Variants in SCTR observed in about 807,000 individuals in gnomAD.
The protein encoded by SCTR is secretin receptor.
In SCTR, 56 loss-of-function variants were observed where a neutral mutation model predicts 60.8. The ratio of observed to expected loss-of-function variants is 0.92; its 90% CI spans 0.74 to 1.15. The LOEUF is 1.15. SCTR is among the 50% of genes most tolerant of loss of function. SCTR has a pLI of 0.00. For missense variants in SCTR, 562 were observed against 550.4 expected (o/e 1.02, Z -0.21); for synonymous variants, 202 against 217.0 (o/e 0.93, Z 0.61).
chr2:119,449,436 G>T (rs1473459097), intron 9 of SCTR, among the ~76,000 whole-genome samples: 3 of 152,068 alleles, frequency 2.0e-5, no homozygotes, highest in Admixed American at 6.5e-5. Flanking sequence ...TGCGAACTAT[G>T]ATTGGAAGAG....
At chr2:119,502,036 G>T (rs1253858801) in intron 1 of SCTR, among the ~76,000 whole-genome samples, 2 of 152,134 alleles carry the variant, frequency 1.3e-5, no homozygotes, top group African/African-American at 2.4e-5. Context: ...TAGGTGGATT[G>T]CTTGAATCCA....
intron 2 of SCTR, among the ~76,000 whole-genome samples, chr2:119,481,640 G>A (rs930204748): frequency 2.6e-5 from 4 of 152,194 alleles, no homozygotes; most frequent in African/African-American, 9.6e-5. Context: ...ACCAGTGGGG[G>A]TCACTACCAG....
At chr2:119,463,436 C>T (rs1020252504) in intron 6 of SCTR, among the ~76,000 whole-genome samples, 8 of 152,190 alleles carry the variant, frequency 5.3e-5, no homozygotes, top group Non-Finnish European at 8.8e-5. Context: ...TGGTATAAAG[C>T]ATGACATCAA....
At chr2:119,477,963 C>T (rs141268445) in intron 3 of SCTR, among the ~76,000 whole-genome samples, 74 of 152,314 alleles carry the variant, frequency 4.9e-4, no homozygotes, top group Middle Eastern at 3.4e-3. Context: ...CACACATGTG[C>T]GTATGTACAG....
In SCTR at chr2:119,524,245, G is replaced by T. The variant is rs752352782; in HGVS notation, c.-19C>A. On this transcript the variant is annotated 5_prime_UTR_variant, in exon 1 of 13. Transcript: ENST00000019103. ...GACGCATGGTGCCCGCACGTTCCCC[G>T]AGGGCGCCCCGACGTCCGCCTGCCC... 7.0e-7 allele frequency: 1 copy of T among 1,424,228 alleles called. No homozygotes were observed. The highest frequency in any genetic ancestry group is 1.5e-5 in the South Asian group (1 of 67,962). 88.2% of individuals were successfully genotyped at this position (1,424,228 alleles called of 1,614,324 possible).
At chr2:119,443,902 GTTC>G (rs923084977) in intron 11 of SCTR, among the ~76,000 whole-genome samples, 1 of 152,086 alleles carries the variant, frequency 6.6e-6, no homozygotes, top group African/African-American at 2.4e-5. Flanking sequence ...AGTTGTATGT[GTTC>G]TTCTTTAAGC....
At chr2:119,493,314 T>C (rs1400982980) in intron 2 of SCTR, among the ~76,000 whole-genome samples, 7 of 152,342 alleles carry the variant, frequency 4.6e-5, no homozygotes. Flanking sequence ...CGTCAGTTGA[T>C]GGGCATTAGG....
intron 7 of SCTR, among the ~76,000 whole-genome samples, chr2:119,461,089 AAC>A (rs1398936931): frequency 6.6e-6 from 1 of 152,250 alleles, no homozygotes; most frequent in Non-Finnish European, 1.5e-5. Context: ...GACAGAAAGC[AAC>A]AGTGTGACGC....
chr2:119,470,563 T>C (rs1676961992), intron 4 of SCTR, among the ~76,000 whole-genome samples: 1 of 152,184 alleles, frequency 6.6e-6, no homozygotes, highest in South Asian at 2.1e-4. Flanking sequence ...GTCCAAAGCG[T>C]TACATTTTCC....
At chr2:119,480,934 TC>T in intron 2 of SCTR, 1 of 152,662 alleles carries the variant, frequency 6.6e-6, no homozygotes, top group Non-Finnish European at 1.5e-5. Flanking sequence ...CCTCCAGGCC[TC>T]CCCCACCTTG....
chr2:119,506,757 C>T (rs1018217289), intron 1 of SCTR, among the ~76,000 whole-genome samples: 11 of 152,146 alleles, frequency 7.2e-5, no homozygotes, highest in Admixed American at 2.6e-4. Flanking sequence ...ATTACAGACA[C>T]GAGCCACCAT....
intron 1 of SCTR, among the ~76,000 whole-genome samples, chr2:119,516,000 A>G (rs1679101939): frequency 1.3e-5 from 2 of 152,180 alleles, no homozygotes; most frequent in African/African-American, 4.8e-5. Context: ...CATGAAGGAA[A>G]TGCAAATCAA....
intron 1 of SCTR, among the ~76,000 whole-genome samples, chr2:119,496,084 T>C (rs1249246938): frequency 1.3e-5 from 2 of 152,222 alleles, no homozygotes; most frequent in East Asian, 3.9e-4. Context: ...TTGTGGGGTC[T>C]CACCTGGTTC....
At chr2:119,453,477 C>A in intron 7 of SCTR, 130 bp from the exon 8 acceptor site, 1 of 718,650 alleles carries the variant, frequency 1.4e-6, no homozygotes, top group East Asian at 2.7e-5. Flanking sequence ...TCCACAGAAA[C>A]CCCTCTGCCA....
At chr2:119,520,639 T>C (rs1024937383) in intron 1 of SCTR, among the ~76,000 whole-genome samples, 1 of 152,158 alleles carries the variant, frequency 6.6e-6, no homozygotes, top group Non-Finnish European at 1.5e-5. Flanking sequence ...AGCCTGTACT[T>C]GGAATTTTTA....
chr2:119,523,036 C>G lies in SCTR; in HGVS notation c.72+1119G>C, dbSNP rs57600309. Reference sequence around the variant, plus strand: ...ATCTCCTGAGTGTCAACACTCTGGTCGGCTCCGGGAGCATTGGTTTTCCTT... The same window carrying G: ...ATCTCCTGAGTGTCAACACTCTGGTGGGCTCCGGGAGCATTGGTTTTCCTT... On this transcript the variant is annotated intron_variant, in intron 1 of 12. Coordinates refer to ENST00000019103, the MANE Select transcript of SCTR (RefSeq NM_002980.3). 1.5e-3 allele frequency among the ~76,000 whole-genome samples: 222 copies of G among 152,240 alleles called. 2 individuals are homozygous for G. The highest frequency in any genetic ancestry group is 4.8e-3 in the African/African-American group (201 of 41,546).
chr2:119,453,403 A>C, intron 7 of SCTR, 56 bp from the exon 8 acceptor site: 1 of 1,333,768 alleles, frequency 7.5e-7, no homozygotes, highest in Non-Finnish European at 1.1e-6. Flanking sequence ...TTTTCAACAC[A>C]CATATCAGAA....
chr2:119,494,820 A>G (rs1034854287), intron 1 of SCTR, among the ~76,000 whole-genome samples: 5 of 152,172 alleles, frequency 3.3e-5, no homozygotes, highest in African/African-American at 1.2e-4. Flanking sequence ...TGAGCCCAAC[A>G]AGCTGTTTGC....
chr2:119,517,581 T>C (rs1573933034), intron 1 of SCTR, among the ~76,000 whole-genome samples: 1 of 151,766 alleles, frequency 6.6e-6, no homozygotes, highest in Non-Finnish European at 1.5e-5. Flanking sequence ...AGTGTGAGAG[T>C]GAGTGAAGTG....
Sources: allele counts gnomAD v4.1 joint callset (sites outside exome capture counted in the v4.1 genomes callset), GRCh38; gene constraint gnomAD v4.1.1; transcripts MANE v1.5; gene names NCBI Gene and HGNC (gene_info 2026-07-23, HGNC 2026-07-21).